Variants in JAKMIP1 observed in about 807,000 individuals in gnomAD.
The protein encoded by JAKMIP1 is janus kinase and microtubule interacting protein 1, also known as janus kinase and microtubule-interacting protein 1.
Under a neutral mutation model 113.0 loss-of-function variants are expected in JAKMIP1, and 33 were observed. The observed-to-expected ratio is 0.29, with a 90% CI of 0.22 to 0.39. JAKMIP1 has a LOEUF of 0.39. Among genes scored for constraint, JAKMIP1 ranks in the 10% least tolerant of loss-of-function variants. The pLI is 1.00. For missense variants in JAKMIP1, 813 were observed against 1,080.5 expected (o/e 0.75, Z 3.47); for synonymous variants, 480 against 459.9 (o/e 1.04, Z -0.56).
rs1316675113 is a variant in JAKMIP1 at position 6,086,308 on chromosome 4, G to A, written c.625-679C>T. ...CTCTATATCCTCTCCCAGGCAGCCA[G>A]GTCCTCCCCGACGGTATCAACCCCA... On this transcript the variant is annotated intron_variant, in intron 3 of 20. Coordinates refer to ENST00000409021, the MANE Select transcript of JAKMIP1 (RefSeq NM_001099433.2). The surrounding 1 kb of genome is among the most constrained non-coding windows in gnomAD (Gnocchi z 4.1). 6.6e-6 allele frequency among the ~76,000 whole-genome samples: 1 copy of A among 152,082 alleles called. No individual in the cohort carries two copies. The highest frequency in any genetic ancestry group is 2.4e-5 in the African/African-American group (1 of 41,416).
chr4:6,159,831 A>G (rs1225073954), intron 1 of JAKMIP1, among the ~76,000 whole-genome samples: 2 of 152,258 alleles, frequency 1.3e-5, no homozygotes, highest in Non-Finnish European at 1.5e-5. Flanking sequence ...AATAATCCAC[A>G]AAGATGGGCC....
rs777996657 is a variant in JAKMIP1, at chr4:6,140,130, G to GT, written c.-147-27134dup. Among the ~76,000 whole-genome samples the GT allele has an allele frequency of 1.5e-4, 23 of 152,142 alleles. No homozygotes were observed. The highest frequency in any genetic ancestry group is 1.2e-3 in the East Asian group (6 of 5,190). ...AGAATAGCTATGAACTATTGTCCCA[G>GT]TTTTTTGGAGACCAATTTCATACAC... On this transcript the variant is annotated intron_variant, in intron 1 of 20. Coordinates refer to ENST00000409021, the MANE Select transcript of JAKMIP1 (RefSeq NM_001099433.2). The surrounding 1 kb of genome is among the most constrained non-coding windows in gnomAD (Gnocchi z 9.4).
rs991946979 is a variant in JAKMIP1 at position 6,150,807 on chromosome 4, G to A, written c.-147-37810C>T. ...AGAAGAAAACAGGCAAGAAATTTCC[G>A]CATCCCAGCTTCAAGCTCCTCCACT... On this transcript the variant is annotated intron_variant, in intron 1 of 20. Transcript: ENST00000409021. The surrounding 1 kb of genome is among the most constrained non-coding windows in gnomAD (Gnocchi z 4.8). 3.9e-5 allele frequency among the ~76,000 whole-genome samples: 6 copies of A among 152,046 alleles called. No homozygotes were observed. Among genetic ancestry groups the A allele is most frequent in the Non-Finnish European group, 5.9e-5 (4 of 68,010 alleles).
At position 6,139,360 on chromosome 4, in the gene JAKMIP1, C is replaced by T. The variant is rs1719755874; in HGVS notation, c.-147-26363G>A. Among the ~76,000 whole-genome samples, 1 of 152,172 alleles carries T rather than the reference C, an allele frequency of 6.6e-6. No individual in the cohort carries two copies. ...CCAAATTCATACGCTGAGGTCCTAA[C>T]CCCCAGTACCCTCAGAGGTGGTCTT... On this transcript the variant is annotated intron_variant, in intron 1 of 20. Coordinates refer to ENST00000409021, the MANE Select transcript of JAKMIP1 (RefSeq NM_001099433.2). The surrounding 1 kb of genome is among the most constrained non-coding windows in gnomAD (Gnocchi z 5.2).
chr4:6,160,493 C>T (rs758244472), intron 1 of JAKMIP1, among the ~76,000 whole-genome samples: 14 of 152,136 alleles, frequency 9.2e-5, no homozygotes, highest in Non-Finnish European at 1.9e-4. Context: ...GGATCACCCT[C>T]GAGCCCTCGC....
At position 6,155,720 on chromosome 4, in the gene JAKMIP1, A is replaced by G. The variant is rs1049664470; in HGVS notation, c.-147-42723T>C. On this transcript the variant is annotated intron_variant, in intron 1 of 20. Transcript: ENST00000409021. The surrounding 1 kb of genome is among the most constrained non-coding windows in gnomAD (Gnocchi z 6.1). Reference sequence around the variant, plus strand: ...CCAACAACTGTATGTCCCATGGCACATTTATAGAACGGGATATTATAGTGT... The same window carrying G: ...CCAACAACTGTATGTCCCATGGCACGTTTATAGAACGGGATATTATAGTGT... 2.0e-5 allele frequency among the ~76,000 whole-genome samples: 3 copies of G among 152,222 alleles called. No individual in the cohort carries two copies. The highest frequency in any genetic ancestry group is 4.8e-5 in the African/African-American group (2 of 41,458).
Position 6,199,696 on chromosome 4 carries a change from T to C in JAKMIP1, c.-148+557A>G, listed in dbSNP as rs1728235507. On this transcript the variant is annotated intron_variant, in intron 1 of 20. Transcript: ENST00000409021. The surrounding 1 kb of genome is among the most constrained non-coding windows in gnomAD (Gnocchi z 5.6). Reference sequence around the variant, plus strand: ...GCGGCGGCGTGTGCCGTGCGTGGGGTGGGGTGCGGGCTGGGCGGCCTCGCC... The same window carrying C: ...GCGGCGGCGTGTGCCGTGCGTGGGGCGGGGTGCGGGCTGGGCGGCCTCGCC... 6.7e-6 allele frequency among the ~76,000 whole-genome samples: 1 copy of C among 150,158 alleles called. No individual in the cohort carries two copies. Among genetic ancestry groups the C allele is most frequent in the African/African-American group, 2.4e-5 (1 of 40,852 alleles).
At position 6,050,163 on chromosome 4, in the gene JAKMIP1, C is replaced by T. The variant is rs916974355; in HGVS notation, c.1909-291G>A. Among the ~76,000 whole-genome samples the T allele has an allele frequency of 2.0e-5, 3 of 152,184 alleles. No individual in the cohort carries two copies. The highest frequency in any genetic ancestry group is 3.9e-4 in the East Asian group (2 of 5,178). ...CAGGGCTCTAGGACACGGTAAACCC[C>T]GGGCCCTTCTAGCAACCACAGCCAC... On this transcript the variant is annotated intron_variant, in intron 14 of 20. Transcript: ENST00000409021. This position sits in a 1 kb window ranked among gnomAD's most constrained non-coding sequence, Gnocchi z 7.4.
At position 6,076,368 on chromosome 4, in the gene JAKMIP1, T is replaced by C. The variant is rs545255872; in HGVS notation, c.1302+2571A>G. On this transcript the variant is annotated intron_variant, in intron 8 of 20. Coordinates refer to ENST00000409021, the MANE Select transcript of JAKMIP1 (RefSeq NM_001099433.2). This position sits in a 1 kb window ranked among gnomAD's most constrained non-coding sequence, Gnocchi z 4.8. ...CAGACTTGAGTTTGAAACTCAGCCT[T>C]GTCAATTTAATTTTTCTCTGAGTTT... 6.3e-4 allele frequency among the ~76,000 whole-genome samples: 95 copies of C among 151,204 alleles called. No individual in the cohort carries two copies. Among genetic ancestry groups the C allele is most frequent in the South Asian group, 4.4e-3 (21 of 4,756 alleles).
chr4:6,186,135 A>C lies in JAKMIP1; in HGVS notation c.-148+14118T>G, dbSNP rs945028751. Among the ~76,000 whole-genome samples the C allele has an allele frequency of 1.1e-4, 17 of 152,162 alleles. No individual in the cohort carries two copies. The highest frequency in any genetic ancestry group is 3.4e-4 in the African/African-American group (14 of 41,436). ...GGTGAGAATTACACAACTCCTAAGC[A>C]GGGAAAGCTCCCAGCTGAAGTGAGG... On this transcript the variant is annotated intron_variant, in intron 1 of 20. Coordinates refer to ENST00000409021, the MANE Select transcript of JAKMIP1 (RefSeq NM_001099433.2). This position sits in a 1 kb window ranked among gnomAD's most constrained non-coding sequence, Gnocchi z 5.5.
At position 6,040,791 on chromosome 4, in the gene JAKMIP1, A is replaced by G; in HGVS notation, c.2098-75T>C. 1 of 1,151,794 alleles carries G rather than the reference A, an allele frequency of 8.7e-7. No individual in the cohort carries two copies. The highest frequency in any genetic ancestry group is 1.3e-6 in the Non-Finnish European group (1 of 776,354). 71.3% of individuals were successfully genotyped at this position (1,151,794 alleles called of 1,614,324 possible). ...ATGACAGCTTCAGAGCCCGTTTGCTAGAGAGTGGCAGTCTCACCGAATTGG... is the reference window on the plus strand; with the variant it reads ...ATGACAGCTTCAGAGCCCGTTTGCTGGAGAGTGGCAGTCTCACCGAATTGG... On this transcript the variant is annotated intron_variant, in intron 17 of 20. Coordinates refer to ENST00000409021, the MANE Select transcript of JAKMIP1 (RefSeq NM_001099433.2). The surrounding 1 kb of genome is among the most constrained non-coding windows in gnomAD (Gnocchi z 5.8).
At chr4:6,124,116 A>ATGGCCC (rs1461821997) in intron 1 of JAKMIP1, among the ~76,000 whole-genome samples, 2 of 152,164 alleles carry the variant, frequency 1.3e-5, no homozygotes, top group Non-Finnish European at 1.5e-5. Context: ...CATTCCCGCC[A>ATGGCCC]TGGCCCTGGC....
In JAKMIP1 at chr4:6,069,752, CAAAAA is replaced by C. The variant is rs56832267; in HGVS notation, c.1303-4749_1303-4745del. ...TGGGTGACAGGGCAAGATCCTGTCT[CAAAAA>C]AAAAAAAAAAAAGATTCAGTTTTGG... On this transcript the variant is annotated intron_variant, in intron 8 of 20. Coordinates refer to ENST00000409021, the MANE Select transcript of JAKMIP1 (RefSeq NM_001099433.2). The surrounding 1 kb of genome is among the most constrained non-coding windows in gnomAD (Gnocchi z 4.5). 4.8e-5 allele frequency among the ~76,000 whole-genome samples: 6 copies of C among 125,068 alleles called. No individual in the cohort carries two copies. The highest frequency in any genetic ancestry group is 5.0e-5 in the Non-Finnish European group (3 of 60,172). 82.0% of individuals were successfully genotyped at this position (125,068 alleles called of 152,430 possible). A position where few individuals can be genotyped will look rare whatever the true frequency, so the allele number is the denominator to read the frequency against.
chr4:6,159,410 C>T (rs1578416485), intron 1 of JAKMIP1, among the ~76,000 whole-genome samples: 1 of 151,944 alleles, frequency 6.6e-6, no homozygotes, highest in Non-Finnish European at 1.5e-5. Context: ...CATCAAACCA[C>T]AAGTTGGAAG....
intron 20 of JAKMIP1, among the ~76,000 whole-genome samples, chr4:6,027,508 T>C (rs141679268): frequency 0.02 from 3,019 of 152,200 alleles, 43 homozygotes; most frequent in Non-Finnish European, 0.033. Flanking sequence ...GGGCCAGGGA[T>C]AGTGGTGGCT....
chr4:6,120,227 G>GA (rs1434616146), intron 1 of JAKMIP1, among the ~76,000 whole-genome samples: 16 of 150,196 alleles, frequency 1.1e-4, no homozygotes, highest in African/African-American at 3.4e-4. Flanking sequence ...GAGCCCTTAG[G>GA]AAAAAAATCT....
intron 16 of JAKMIP1, among the ~76,000 whole-genome samples, chr4:6,048,179 C>T (rs1284297280): frequency 6.6e-6 from 1 of 152,188 alleles, no homozygotes; most frequent in Non-Finnish European, 1.5e-5. Flanking sequence ...TTCTTTTCAG[C>T]GGTAACATGC....
At position 6,143,890 on chromosome 4, in the gene JAKMIP1, G is replaced by T. The variant is rs1720494396; in HGVS notation, c.-147-30893C>A. Among the ~76,000 whole-genome samples the T allele has an allele frequency of 1.3e-5, 2 of 152,216 alleles. 1 individual carries two copies. Among genetic ancestry groups the T allele is most frequent in the South Asian group, 4.1e-4 (2 of 4,822 alleles). ...CAAGCCCCATCCCTTCCATTGATTG[G>T]CTGATGGCTCTGGGTGAGTGCCTTC... On this transcript the variant is annotated intron_variant, in intron 1 of 20. Transcript: ENST00000409021. The surrounding 1 kb of genome is among the most constrained non-coding windows in gnomAD (Gnocchi z 4.9).
At chr4:6,170,796 C>T (rs1349933823) in intron 1 of JAKMIP1, among the ~76,000 whole-genome samples, 3 of 85,928 alleles carry the variant, frequency 3.5e-5, no homozygotes, top group African/African-American at 1.0e-4. Context: ...ACCACCACTA[C>T]ACTTCCATCA....
Sources: allele counts gnomAD v4.1 joint callset (sites outside exome capture counted in the v4.1 genomes callset), GRCh38; gene constraint gnomAD v4.1.1; non-coding constraint Gnocchi (gnomAD v3.1); transcripts MANE v1.5; gene names NCBI Gene and HGNC (gene_info 2026-07-23, HGNC 2026-07-21).